HMCN1: variants seen among roughly 807,000 people sequenced by gnomAD.
HMCN1 encodes hemicentin 1, also known as hemicentin-1.
A neutral mutation model predicts 625.9 loss-of-function variants in HMCN1; 321 were observed. That is an observed-to-expected ratio of 0.51 (90% CI 0.47 to 0.56). The LOEUF is 0.56. HMCN1 is among the 20% of genes least tolerant of loss of function. The pLI, the probability that HMCN1 is intolerant of heterozygous loss-of-function variation, is 0.00. For missense variants in HMCN1, 6,588 were observed against 6,887.3 expected (o/e 0.96, Z 1.54); for synonymous variants, 2,425 against 2,417.6 (o/e 1.00, Z -0.09).
chr1:186,019,715 A>G lies in HMCN1; in HGVS notation c.5625+20A>G. 2.5e-6 allele frequency: 4 copies of G among 1,600,342 alleles called. No individual in the cohort carries two copies. Among genetic ancestry groups the G allele is most frequent in the Non-Finnish European group, 3.4e-6 (4 of 1,168,908 alleles). On this transcript the variant is annotated intron_variant, in intron 35 of 106. Coordinates refer to ENST00000271588, the MANE Select transcript of HMCN1 (RefSeq NM_031935.3). ...CTTAAAGTAAGTGTAAATATTACTC[A>G]GCCTAAACTGGGAAAGCTACATATA...
At chr1:185,914,976 AGCCTGTAGTG>A (rs1036283554) in intron 6 of HMCN1, among the ~76,000 whole-genome samples, 1 of 152,074 alleles carries the variant, frequency 6.6e-6, no homozygotes, top group Non-Finnish European at 1.5e-5. Flanking sequence ...TGGTTTACTT[AGCCTGTAGTG>A]GAGGTGCTAG....
chr1:186,016,836 C>T, intron 32 of HMCN1, 127 bp from the exon 33 acceptor site: 1 of 712,294 alleles, frequency 1.4e-6, no homozygotes, highest in Non-Finnish European at 2.6e-6. Context: ...ATTTCAAGTC[C>T]CCTTCATGTA....
intron 4 of HMCN1, among the ~76,000 whole-genome samples, chr1:185,906,548 GACA>G (rs1287952355): frequency 9.2e-5 from 14 of 151,948 alleles, no homozygotes; most frequent in African/African-American, 2.9e-4. Context: ...GTAACTAACA[GACA>G]ACAAGATAGC....
intron 1 of HMCN1, among the ~76,000 whole-genome samples, chr1:185,831,919 T>C (rs1660885157): frequency 6.6e-6 from 1 of 152,206 alleles, no homozygotes; most frequent in South Asian, 2.1e-4. Flanking sequence ...ATCTTGTCAG[T>C]TTCTCCTAAT....
intron 1 of HMCN1, among the ~76,000 whole-genome samples, chr1:185,829,421 C>A (rs558160320): frequency 6.6e-6 from 1 of 152,126 alleles, no homozygotes; most frequent in South Asian, 2.1e-4. Flanking sequence ...CCCTTACCCC[C>A]CAACAGGCTG....
At chr1:186,079,459 A>G (rs1355918753) in intron 55 of HMCN1, among the ~76,000 whole-genome samples, 1 of 152,152 alleles carries the variant, frequency 6.6e-6, no homozygotes, top group Non-Finnish European at 1.5e-5. Context: ...CAGAGCAGTT[A>G]TACCTTCTAC....
At chr1:186,129,358 A>C (rs1477211146) in intron 83 of HMCN1, among the ~76,000 whole-genome samples, 2 of 150,758 alleles carry the variant, frequency 1.3e-5, no homozygotes, top group African/African-American at 2.4e-5. Context: ...TTATAATATA[A>C]ATTTTATAAA....
At chr1:186,171,907 A>G in intron 101 of HMCN1, 99 bp from the exon 102 acceptor site, 3 of 1,031,134 alleles carry the variant, frequency 2.9e-6, no homozygotes, top group South Asian at 2.8e-5. Flanking sequence ...CAATGAATGT[A>G]TATATAAATA....
At chr1:185,806,084 T>A (rs974933841) in intron 1 of HMCN1, among the ~76,000 whole-genome samples, 3 of 150,306 alleles carry the variant, frequency 2.0e-5, no homozygotes, top group East Asian at 1.9e-4. Flanking sequence ...ATAATAATAA[T>A]ATAATAATAG....
chr1:185,993,601 G>GA (rs577774309), intron 23 of HMCN1, among the ~76,000 whole-genome samples: 6 of 151,870 alleles, frequency 4.0e-5, no homozygotes, highest in Non-Finnish European at 7.4e-5. Flanking sequence ...ATATACAGTA[G>GA]AAAAAAATGT....
At position 186,151,189 on chromosome 1, in the gene HMCN1, TCCCCC is replaced by T; in HGVS notation, c.14609-10_14609-6del. 6.2e-7 allele frequency: 1 copy of T among 1,613,290 alleles called. No individual in the cohort carries two copies. The highest frequency in any genetic ancestry group is 8.5e-7 in the Non-Finnish European group (1 of 1,179,450). ...ATCCTTATCCAGGAATGTTTTTTTT[TCCCCC>T]AATAGGTGGGCCCCAGCGAGCCAGA... On this transcript the variant is annotated splice_region_variant and splice_polypyrimidine_tract_variant and intron_variant, in intron 93 of 106. Transcript: ENST00000271588.
In HMCN1 at chr1:186,103,616, A is replaced by T. The variant is rs1571355954; in HGVS notation, c.10718A>T (p.Asp3573Val). The T allele has an allele frequency of 1.1e-5, 18 of 1,613,794 alleles. No homozygotes were observed. The East Asian group carries it at 4.0e-4, about 36-fold the overall frequency. Residue 3573 changes from aspartate to valine, a missense_variant, in exon 69 of 107, where the codon GAT becomes GTT. This residue lies in a region of HMCN1 where 4,628 missense variants were observed against 4,853.1 expected (regional missense o/e 0.95). Coordinates refer to ENST00000271588, the MANE Select transcript of HMCN1 (RefSeq NM_031935.3). The stretch of plus-strand genomic sequence containing the variant: ...GATGGCCGGCCCCTTCCACAGACGG[A>T]TCAAGTGCAAACTCTAGGAGGAGGA... ...MKDGRPLPQT[D>V]QVQTLGGGEV...
At chr1:186,126,903 T>A (rs977705241) in intron 82 of HMCN1, among the ~76,000 whole-genome samples, 1 of 151,876 alleles carries the variant, frequency 6.6e-6, no homozygotes, top group African/African-American at 2.4e-5. Flanking sequence ...GAATCAAAGG[T>A]AGGGAGACAA....
intron 11 of HMCN1, among the ~76,000 whole-genome samples, chr1:185,955,265 G>A (rs761021463): frequency 5.9e-5 from 9 of 151,950 alleles, no homozygotes; most frequent in African/African-American, 7.3e-5. Context: ...ACCTTTTTGT[G>A]CTTTTCTAAT....
intron 97 of HMCN1, among the ~76,000 whole-genome samples, chr1:186,164,314 A>G (rs747750068): frequency 5.5e-5 from 8 of 145,328 alleles, no homozygotes; most frequent in Non-Finnish European, 1.0e-4. Flanking sequence ...ATCTCGGCTC[A>G]CTACAAGCTC....
At chr1:185,749,987 A>G (rs1045285391) in intron 1 of HMCN1, among the ~76,000 whole-genome samples, 1 of 152,180 alleles carries the variant, frequency 6.6e-6, no homozygotes, top group African/African-American at 2.4e-5. Flanking sequence ...ACCTCCTCCG[A>G]AAAGCCTTCC....
At chr1:186,045,645 G>A (rs371537711) in intron 40 of HMCN1, 43 bp from the exon 41 acceptor site, 32 of 1,437,458 alleles carry the variant, frequency 2.2e-5, no homozygotes, top group Non-Finnish European at 3.0e-5. Flanking sequence ...TAAACAGTGT[G>A]CTGGCCTGTT....
chr1:186,164,171 T>G (rs1651716117), intron 97 of HMCN1, among the ~76,000 whole-genome samples: 1 of 152,080 alleles, frequency 6.6e-6, no homozygotes, highest in Admixed American at 6.5e-5. Context: ...ACTTGGATGC[T>G]TTCAGGAAAG....
chr1:186,028,745 G>T (rs1254343620), intron 36 of HMCN1, among the ~76,000 whole-genome samples: 7 of 126,186 alleles, frequency 5.5e-5, no homozygotes, highest in African/African-American at 2.4e-4. Context: ...TTTTTTTTGA[G>T]ACGGAGTCTC....
Sources: allele counts gnomAD v4.1 joint callset (sites outside exome capture counted in the v4.1 genomes callset), GRCh38; gene constraint gnomAD v4.1.1; regional missense constraint gnomAD v4.1.1; transcripts MANE v1.5; gene names NCBI Gene and HGNC (gene_info 2026-07-23, HGNC 2026-07-21).